The following ADGRL3 variants were observed in gnomAD, a reference collection of about 807,000 sequenced individuals.
ADGRL3 encodes the protein adhesion G protein-coupled receptor L3, also known as calcium-independent alpha-latrotoxin receptor 3.
Under a neutral mutation model 153.5 loss-of-function variants are expected in ADGRL3, and 62 were observed. That is an observed-to-expected ratio of 0.40 (90% CI 0.33 to 0.50). ADGRL3 has a LOEUF of 0.50. ADGRL3 is among the 20% of genes least tolerant of loss of function. The probability of loss-of-function intolerance (pLI) is 0.47; values close to 1 mark genes in which losing one functional copy is unlikely to be tolerated. For missense variants in ADGRL3, 1,641 were observed against 1,859.4 expected (o/e 0.88, Z 2.16); for synonymous variants, 710 against 672.5 (o/e 1.06, Z -0.86).
intron 4 of ADGRL3, among the ~76,000 whole-genome samples, chr4:61,524,478 C>T (rs1290046170): frequency 6.6e-6 from 1 of 151,952 alleles, no homozygotes; most frequent in Non-Finnish European, 1.5e-5. Context: ...GGTTATTAGG[C>T]ATATCTTTAA....
chr4:61,765,279 C>T (rs1482282283), intron 8 of ADGRL3, among the ~76,000 whole-genome samples: 1 of 151,934 alleles, frequency 6.6e-6, no homozygotes, highest in Non-Finnish European at 1.5e-5. Context: ...TTTTGGGGCA[C>T]AGTCTAAGTT....
At chr4:61,420,401 C>CTTTTTTTTTTT (rs36093010) in intron 2 of ADGRL3, 7 of 82,552 alleles carry the variant, frequency 8.5e-5, no homozygotes, top group Admixed American at 1.7e-4. Flanking sequence ...CAAAGGAAAG[C>CTTTTTTTTTTT]TTTTTTTTTT....
At chr4:61,480,052 T>G (rs1356960458) in intron 2 of ADGRL3, among the ~76,000 whole-genome samples, 2 of 152,128 alleles carry the variant, frequency 1.3e-5, no homozygotes, top group Non-Finnish European at 2.9e-5. Flanking sequence ...TAAGATCTAG[T>G]CTCTCAGCAA....
At chr4:61,481,943 C>T (rs1025196442) in intron 2 of ADGRL3, among the ~76,000 whole-genome samples, 6 of 151,974 alleles carry the variant, frequency 3.9e-5, no homozygotes, top group East Asian at 1.9e-4. Context: ...AGCAAAAATA[C>T]GTTTTTTTCC....
intron 3 of ADGRL3, among the ~76,000 whole-genome samples, chr4:61,498,515 A>G (rs1231735922): frequency 6.6e-6 from 1 of 152,102 alleles, no homozygotes; most frequent in Non-Finnish European, 1.5e-5. Flanking sequence ...GTGCCACTGC[A>G]TTCCAGCCTG....
intron 17 of ADGRL3, among the ~76,000 whole-genome samples, chr4:61,961,338 T>C (rs370711307): frequency 3.9e-5 from 6 of 152,342 alleles, no homozygotes; most frequent in Non-Finnish European, 5.9e-5. Context: ...TGTAGAACTA[T>C]ATTTTGCTTG....
chr4:61,875,857 C>G (rs767775492), intron 9 of ADGRL3, among the ~76,000 whole-genome samples: 3 of 152,094 alleles, frequency 2.0e-5, no homozygotes, highest in Non-Finnish European at 2.9e-5. Context: ...GTACTTTGCA[C>G]TTTTTTAGGA....
chr4:61,212,364 CCTT>C (rs1047003722), intron 1 of ADGRL3, among the ~76,000 whole-genome samples: 43 of 152,176 alleles, frequency 2.8e-4, no homozygotes, highest in African/African-American at 9.1e-4. Flanking sequence ...TTCAAGTAAA[CCTT>C]CTGTTTAGAG....
At chr4:61,450,996 G>C (rs1388013190) in intron 2 of ADGRL3, among the ~76,000 whole-genome samples, 2 of 152,022 alleles carry the variant, frequency 1.3e-5, no homozygotes, top group East Asian at 3.9e-4. Flanking sequence ...TAATCTGAAA[G>C]TGTAACCAGA....
At chr4:61,292,324 A>G (rs2150181288) in intron 1 of ADGRL3, among the ~76,000 whole-genome samples, 1 of 152,196 alleles carries the variant, frequency 6.6e-6, no homozygotes, top group Middle Eastern at 3.4e-3. Context: ...AGTATTCTAA[A>G]TGTGATGATA....
chr4:61,956,822 G>A lies in ADGRL3; in HGVS notation c.2805+8546G>A, dbSNP rs183454352. On this transcript the variant is annotated intron_variant, in intron 17 of 26. Transcript: ENST00000683033. ...CTTTCCCCATTGTTTGTTTTTGTCA[G>A]GTTTGTCAAAGGTCTGAAGGTTGTA... is the stretch of plus-strand genomic sequence containing the variant. Among the ~76,000 whole-genome samples the A allele has an allele frequency of 3.9e-5, 6 of 152,164 alleles. No individual in the cohort carries two copies. The East Asian group carries it at 1.2e-3, about 29-fold the overall frequency.
intron 8 of ADGRL3, among the ~76,000 whole-genome samples, chr4:61,813,600 A>G (rs527836999): frequency 6.6e-6 from 1 of 152,192 alleles, no homozygotes; most frequent in African/African-American, 2.4e-5. Flanking sequence ...AAAAAAGAAG[A>G]AACATAACTC....
chr4:61,428,873 A>ATC (rs879498477), intron 2 of ADGRL3, among the ~76,000 whole-genome samples: 2,527 of 118,258 alleles, frequency 0.021, 26 homozygotes, highest in South Asian at 0.035. Context: ...CTATCTATCT[A>ATC]TATCATCTAT....
intron 3 of ADGRL3, among the ~76,000 whole-genome samples, chr4:61,500,023 C>T (rs1427992590): frequency 3.3e-5 from 3 of 91,314 alleles, no homozygotes; most frequent in Non-Finnish European, 4.6e-5. Context: ...CATACACACA[C>T]AGAAACAGAG....
At chr4:61,968,915 A>G (rs996166586) in intron 17 of ADGRL3, among the ~76,000 whole-genome samples, 1 of 152,156 alleles carries the variant, frequency 6.6e-6, no homozygotes, top group Non-Finnish European at 1.5e-5. Flanking sequence ...TGTCATCTGA[A>G]GTTTCATTAA....
At chr4:61,713,282 C>T (rs1285786655) in intron 6 of ADGRL3, among the ~76,000 whole-genome samples, 1 of 151,938 alleles carries the variant, frequency 6.6e-6, no homozygotes, top group Non-Finnish European at 1.5e-5. Flanking sequence ...TGAGTATACT[C>T]ATTTTTTTCC....
chr4:62,037,963 T>C, intron 24 of ADGRL3, 107 bp downstream of exon 24: 1 of 1,270,258 alleles, frequency 7.9e-7, no homozygotes, highest in Non-Finnish European at 1.1e-6. Context: ...TCGTTTGTTT[T>C]TGTTGTTTCA....
chr4:61,619,191 C>A (rs1000360377), intron 5 of ADGRL3, among the ~76,000 whole-genome samples: 1 of 152,168 alleles, frequency 6.6e-6, no homozygotes, highest in Non-Finnish European at 1.5e-5. Context: ...AGGACAGAAA[C>A]AACCGGTGGC....
chr4:61,525,119 C>T (rs571496209), intron 4 of ADGRL3, among the ~76,000 whole-genome samples: 6 of 145,186 alleles, frequency 4.1e-5, no homozygotes, highest in South Asian at 2.3e-4. Flanking sequence ...TGGTGGAATA[C>T]GGTGTCAGTT....
Sources: gnomAD v4.1 joint callset for allele counts (sites outside exome capture counted in the v4.1 genomes callset) on GRCh38, gnomAD v4.1.1 for gene constraint, MANE v1.5 for transcripts, NCBI Gene and HGNC (gene_info 2026-07-23, HGNC 2026-07-21) for gene names.